The following RREB1 variants were observed in gnomAD, a reference collection of about 807,000 sequenced individuals.
RREB1 encodes ras-responsive element-binding protein 1.
In RREB1, 27 loss-of-function variants were observed where a neutral mutation model predicts 117.8. That is an observed-to-expected ratio of 0.23 (90% confidence interval 0.17 to 0.32). The LOEUF (loss-of-function observed/expected upper bound fraction) is 0.32. Among genes scored for constraint, RREB1 ranks in the 10% least tolerant of loss-of-function variants. The pLI is 1.00. For synonymous variants in RREB1, 1,298 were observed against 1,026.7 expected, an observed-to-expected ratio of 1.26 and a Z score of -5.05; for missense variants, 2,577 against 2,378.2, an observed-to-expected ratio of 1.08 and a Z score of -1.74.
chr6:7,126,274 AC>A (rs1234307939), intron 1 of RREB1, among the ~76,000 whole-genome samples: 1 of 151,852 alleles, frequency 6.6e-6, no homozygotes. Flanking sequence ...TGCTGGGATT[AC>A]AGGCGTGAGC....
chr6:7,163,670 A>C (rs1240985829), intron 1 of RREB1, among the ~76,000 whole-genome samples: 1 of 152,186 alleles, frequency 6.6e-6, no homozygotes, highest in East Asian at 1.9e-4. Context: ...CTGGGATTAC[A>C]GGCGTGAGCC....
intron 1 of RREB1, among the ~76,000 whole-genome samples, chr6:7,138,493 A>G (rs374843570): frequency 1.3e-5 from 2 of 152,232 alleles, no homozygotes; most frequent in African/African-American, 2.4e-5. Flanking sequence ...GCTACCCCAA[A>G]TGATTAGCTT....
rs1368465002 is a variant in RREB1 at position 7,182,162 on chromosome 6, A to T, written c.171+80A>T. 8 of 1,311,606 alleles carry T rather than the reference A, an allele frequency of 6.1e-6. No individual in the cohort carries two copies. In the East Asian group the frequency reaches 1.2e-4, roughly 20 times the overall value. 81.2% of individuals were successfully genotyped at this position (1,311,606 alleles called of 1,614,324 possible). On this transcript the variant is annotated intron_variant, in intron 4 of 12. Coordinates refer to ENST00000379938, the MANE Select transcript of RREB1 (RefSeq NM_001003699.4). ...GGGAGATGTTTCCGAGTTTCCTATGATAAAACCTTGGAAGAATTGGGAATA... is the reference window on the plus strand; with the variant it reads ...GGGAGATGTTTCCGAGTTTCCTATGTTAAAACCTTGGAAGAATTGGGAATA...
rs188058227 is a variant in RREB1 at position 7,112,807 on chromosome 6, C to T, written c.-285+4747C>T. On this transcript the variant is annotated intron_variant, in intron 1 of 12. Coordinates refer to ENST00000379938, the MANE Select transcript of RREB1 (RefSeq NM_001003699.4). ...TTAGCAGTCCTGTCGGCAATGTCAT[C>T]GACTGTGCTCCGCCCAATTTCTCTT... Among the ~76,000 whole-genome samples, 106 of 140,662 alleles carry T rather than the reference C, an allele frequency of 7.5e-4. 3 individuals are homozygous for T. In the East Asian group the frequency reaches 0.016, roughly 21 times the overall value. The allele number at this position is 140,662 out of a possible 152,430, so 92.3% of individuals were successfully genotyped here.
Position 7,231,672 on chromosome 6 carries a change from C to G in RREB1, c.3573C>G (p.Asn1191Lys), listed in dbSNP as rs1375707018. 5 of 1,611,732 alleles carry G rather than the reference C, an allele frequency of 3.1e-6. No homozygotes were observed. The highest frequency in any genetic ancestry group is 4.2e-6 in the Non-Finnish European group (5 of 1,178,530). The change falls in exon 10 of 13, where the codon AAC (asparagine) becomes AAG (lysine). Residue 1191 changes from asparagine (N) to lysine (K), a missense_variant. By Grantham distance (94) the Asn-to-Lys change is moderately conservative. Coordinates refer to ENST00000379938, the MANE Select transcript of RREB1 (RefSeq NM_001003699.4). ...IEKMLATTDT[N>K]KFSPFLQTAE... ...AGATGCTGGCCACCACAGACACCAACAAGTTCAGTCCGTTTCTGCAGACAG... is the reference window on the plus strand; with the variant it reads ...AGATGCTGGCCACCACAGACACCAAGAAGTTCAGTCCGTTTCTGCAGACAG...
intron 1 of RREB1, among the ~76,000 whole-genome samples, chr6:7,138,203 G>C (rs1405507209): frequency 6.6e-6 from 1 of 152,128 alleles, no homozygotes; most frequent in Non-Finnish European, 1.5e-5. Context: ...TGTTAATTAG[G>C]CATTTGTCCT....
At chr6:7,187,713 C>T (rs2113548574) in intron 5 of RREB1, 190 bp downstream of exon 5, 2 of 297,432 alleles carry the variant, frequency 6.7e-6, no homozygotes, top group East Asian at 1.2e-4. Context: ...AATTATTCTT[C>T]CTTAAGCACA....
intron 10 of RREB1, among the ~76,000 whole-genome samples, chr6:7,232,394 C>T (rs1055330808): frequency 6.6e-6 from 1 of 152,138 alleles, no homozygotes; most frequent in African/African-American, 2.4e-5. Flanking sequence ...GATGCCATGT[C>T]TTCTTAAAGA....
intron 1 of RREB1, among the ~76,000 whole-genome samples, chr6:7,116,772 G>A (rs1761418351): frequency 6.6e-6 from 1 of 152,158 alleles, no homozygotes; most frequent in African/African-American, 2.4e-5. Flanking sequence ...ATAAAAGTTG[G>A]CTCAGCTTAA....
At chr6:7,232,785 TAA>T (rs1431569730) in intron 10 of RREB1, among the ~76,000 whole-genome samples, 1 of 138,926 alleles carries the variant, frequency 7.2e-6, no homozygotes, top group Non-Finnish European at 1.5e-5. Context: ...TTTTTTTAAA[TAA>T]AAGAGTCTCA....
At position 7,249,101 on chromosome 6, in the gene RREB1, G is replaced by GAGAGACAGACAGACAGAC. The variant is rs1561812153; in HGVS notation, c.*136_*137insGACAGACAGACAGACAGA. The stretch of plus-strand genomic sequence containing the variant: ...AGAGAGAGAGAGAGAGAGAGAGAGA[G>GAGAGACAGACAGACAGAC]AGACAAGCAGGAGCGTGGCTGCTCG... On this transcript the variant is annotated 3_prime_UTR_variant, in exon 13 of 13. Coordinates refer to ENST00000379938, the MANE Select transcript of RREB1 (RefSeq NM_001003699.4). The GAGAGACAGACAGACAGAC allele has an allele frequency of 1.5e-5, 9 of 591,944 alleles. No homozygotes were observed. In the African/African-American group the frequency reaches 1.6e-4, roughly 11 times the overall value. The allele number at this position is 591,944 out of a possible 1,614,324, so 36.7% of individuals were successfully genotyped here.
At chr6:7,143,175 G>A (rs1762699506) in intron 1 of RREB1, among the ~76,000 whole-genome samples, 2 of 152,216 alleles carry the variant, frequency 1.3e-5, no homozygotes, top group Admixed American at 1.3e-4. Flanking sequence ...CTGCAAACCC[G>A]AGTGTTTTCT....
At position 7,246,925 on chromosome 6, in the gene RREB1, C is replaced by T. The variant is rs1769100360; in HGVS notation, c.4475C>T (p.Pro1492Leu). The change falls in exon 12 of 13, where the codon CCC (proline) becomes CTC (leucine). Residue 1492 changes from proline to leucine, a missense_variant. Pro to Leu is a moderately conservative substitution (Grantham distance 98). Transcript: ENST00000379938. ...AGCACTGCAGAGGAGGGGCCCCAGC[C>T]CGCCCCTGAACAGGAGGAGAAGCCC... ...GASTAEEGPQ[P>L]APEQEEKPPE... is the part of the protein sequence containing the mutation. 6.4e-7 allele frequency: 1 copy of T among 1,555,946 alleles called. No homozygotes were observed. Among genetic ancestry groups the T allele is most frequent in the East Asian group, 2.4e-5 (1 of 41,160 alleles).
chr6:7,158,530 C>A (rs1365411056), intron 1 of RREB1, among the ~76,000 whole-genome samples: 3 of 152,180 alleles, frequency 2.0e-5, no homozygotes, highest in African/African-American at 7.2e-5. Context: ...TCTTGTGGTA[C>A]TTCCTGGGTA....
At chr6:7,124,652 C>A (rs1009170471) in intron 1 of RREB1, among the ~76,000 whole-genome samples, 2 of 152,220 alleles carry the variant, frequency 1.3e-5, no homozygotes, top group Non-Finnish European at 2.9e-5. Flanking sequence ...GGTTGTTAGG[C>A]TTTTCATGTA....
chr6:7,125,659 A>T (rs1019738005), intron 1 of RREB1, among the ~76,000 whole-genome samples: 1 of 152,186 alleles, frequency 6.6e-6, no homozygotes, highest in African/African-American at 2.4e-5. Context: ...ATTTTACATA[A>T]TATGGAAACT....
At position 7,187,436 on chromosome 6, in the gene RREB1, A is replaced by G. The variant is rs1438824943; in HGVS notation, c.174A>G (p.Glu58=). 6.3e-7 allele frequency: 1 copy of G among 1,593,380 alleles called. No homozygotes were observed. Among genetic ancestry groups the G allele is most frequent in the Non-Finnish European group, 8.6e-7 (1 of 1,163,778 alleles). ...GPNRIGRRNQ[E]TKEEKSSYNC... Reference sequence around the variant, plus strand: ...TCCCTTTTAATCTTTCTTTTTAGGAAACGAAAGAGGAGAAGTCTTCCTATA... The same window carrying G: ...TCCCTTTTAATCTTTCTTTTTAGGAGACGAAAGAGGAGAAGTCTTCCTATA... Residue 58 remains glutamate, a splice_region_variant and synonymous_variant, in exon 5 of 13, where the codon GAA becomes GAG. Coordinates refer to ENST00000379938, the MANE Select transcript of RREB1 (RefSeq NM_001003699.4).
chr6:7,145,472 T>C (rs1199319920), intron 1 of RREB1, among the ~76,000 whole-genome samples: 1 of 152,168 alleles, frequency 6.6e-6, no homozygotes, highest in East Asian at 1.9e-4. Flanking sequence ...GCTAAGCAGG[T>C]AAATTTCTGG....
rs187121278 is a variant in RREB1 at position 7,226,536 on chromosome 6, A to C, written c.777A>C (p.Lys259Asn). The C allele has an allele frequency of 6.2e-7, 1 of 1,614,154 alleles. No individual in the cohort carries two copies. The highest frequency in any genetic ancestry group is 1.7e-5 in the Admixed American group (1 of 60,022). ...TGCGTCACAACGCGCTTGTCCACAA[A>C]CAACTTCCCAGGGATGCAATGGGCA... ...GLLRHNALVH[K>N]QLPRDAMGRP... The change falls in exon 9 of 13, where the codon AAA becomes AAC. Residue 259 changes from lysine to asparagine, a missense_variant. Coordinates refer to ENST00000379938, the MANE Select transcript of RREB1 (RefSeq NM_001003699.4).
Sources: allele counts gnomAD v4.1 joint callset (sites outside exome capture counted in the v4.1 genomes callset), GRCh38; gene constraint gnomAD v4.1.1; transcripts MANE v1.5; gene names NCBI Gene and HGNC (gene_info 2026-07-23, HGNC 2026-07-21).